The following CFAP299 variants were observed in gnomAD, a reference collection of about 807,000 sequenced individuals.
CFAP299 encodes cilia and flagella associated protein 299.
A neutral mutation model predicts 27.0 loss-of-function variants in CFAP299; 21 were observed. The ratio of observed to expected loss-of-function variants is 0.78; its 90% confidence interval spans 0.55 to 1.12. The LOEUF (loss-of-function observed/expected upper bound fraction) is 1.12. CFAP299 is among the 50% of genes most tolerant of loss of function. The pLI, the probability that CFAP299 is intolerant of heterozygous loss-of-function variation, is 0.00. For missense variants in CFAP299, 310 were observed against 276.6 expected, an observed-to-expected ratio of 1.12 and a Z score of -0.86; for synonymous variants, 104 against 98.1, an observed-to-expected ratio of 1.06 and a Z score of -0.36.
At chr4:80,701,939 C>G (rs1017643544) in intron 3 of CFAP299, among the ~76,000 whole-genome samples, 8 of 151,718 alleles carry the variant, frequency 5.3e-5, no homozygotes, top group South Asian at 2.1e-4. Context: ...AGTTTATGTT[C>G]TTTGTATGTG....
At chr4:80,910,577 A>AAAGC (rs1253268681) in intron 4 of CFAP299, among the ~76,000 whole-genome samples, 1 of 152,184 alleles carries the variant, frequency 6.6e-6, no homozygotes, top group Non-Finnish European at 1.5e-5. Flanking sequence ...CAGGAACAGA[A>AAAGC]AAGCAAATAC....
At chr4:80,353,291 G>A (rs537276897) in intron 1 of CFAP299, among the ~76,000 whole-genome samples, 2 of 152,204 alleles carry the variant, frequency 1.3e-5, no homozygotes, top group African/African-American at 4.8e-5. Context: ...AACTCGAAAG[G>A]ACCATCCAAC....
chr4:80,838,982 A>G (rs950114238), intron 3 of CFAP299, among the ~76,000 whole-genome samples: 1 of 152,168 alleles, frequency 6.6e-6, no homozygotes, highest in Non-Finnish European at 1.5e-5. Flanking sequence ...GTCCTAGACA[A>G]CAGTGATACA....
intron 2 of CFAP299, 31 bp from the exon 3 acceptor site, chr4:80,583,062 T>C: frequency 2.1e-6 from 3 of 1,414,488 alleles, no homozygotes; most frequent in Non-Finnish European, 2.9e-6. Context: ...TGTTATCTAA[T>C]ATATTATAAC....
intron 4 of CFAP299, 98 bp downstream of exon 4, chr4:80,870,233 G>A (rs1733003959): frequency 3.6e-6 from 5 of 1,378,664 alleles, no homozygotes; most frequent in Admixed American, 2.5e-5. Flanking sequence ...ATATATAACA[G>A]GAATGTGATA....
intron 3 of CFAP299, among the ~76,000 whole-genome samples, chr4:80,652,329 T>C (rs1219260082): frequency 6.6e-6 from 1 of 152,120 alleles, no homozygotes; most frequent in Non-Finnish European, 1.5e-5. Flanking sequence ...AAATATGTAT[T>C]TATATATTTG....
chr4:80,864,432 A>ATATATATATATATACCTATATAAG (rs1560452725), intron 3 of CFAP299, among the ~76,000 whole-genome samples: 6 of 118,954 alleles, frequency 5.0e-5, no homozygotes, highest in South Asian at 6.1e-4. Flanking sequence ...ATATATAGGT[A>ATATATATATATATACCTATATAAG]TATATATATA....
At chr4:80,336,822 A>G (rs934696570) in intron 1 of CFAP299, 11 of 152,250 alleles carry the variant, frequency 7.2e-5, no homozygotes, top group African/African-American at 2.4e-4. Context: ...AACAGGCGCC[A>G]CTATGTGGTG....
At chr4:80,461,750 A>T (rs1267540571) in intron 2 of CFAP299, among the ~76,000 whole-genome samples, 1 of 152,160 alleles carries the variant, frequency 6.6e-6, no homozygotes, top group Non-Finnish European at 1.5e-5. Context: ...ATATTCAGGG[A>T]TCATCCTGTA....
chr4:80,957,105 G>A (rs951751412), intron 5 of CFAP299, among the ~76,000 whole-genome samples: 2 of 152,072 alleles, frequency 1.3e-5, no homozygotes, highest in Non-Finnish European at 2.9e-5. Context: ...CTGGGATTTG[G>A]TAGAATAAGG....
intron 3 of CFAP299, among the ~76,000 whole-genome samples, chr4:80,628,238 C>T (rs1282836214): frequency 6.6e-6 from 1 of 152,012 alleles, no homozygotes; most frequent in Non-Finnish European, 1.5e-5. Context: ...AGGAAAAGGA[C>T]AGCCCTTTCA....
intron 3 of CFAP299, among the ~76,000 whole-genome samples, chr4:80,850,221 A>G (rs1258541623): frequency 7.1e-6 from 1 of 141,190 alleles, no homozygotes. Context: ...GCATAGCTTT[A>G]TGGCGGTGGG....
intron 3 of CFAP299, among the ~76,000 whole-genome samples, chr4:80,799,717 T>A (rs1260399702): frequency 4.5e-4 from 25 of 55,202 alleles, no homozygotes; most frequent in South Asian, 2.4e-3. Flanking sequence ...ATTTTATATA[T>A]TATATTTTAT....
At chr4:80,617,971 A>G (rs1019784555) in intron 3 of CFAP299, among the ~76,000 whole-genome samples, 16 of 152,186 alleles carry the variant, frequency 1.1e-4, no homozygotes, top group African/African-American at 3.4e-4. Context: ...AATGGAATAT[A>G]TAGTCATTAA....
At chr4:80,858,140 G>A (rs1043684088) in intron 3 of CFAP299, among the ~76,000 whole-genome samples, 4 of 152,218 alleles carry the variant, frequency 2.6e-5, no homozygotes, top group Non-Finnish European at 1.5e-5. Context: ...TCTTGGGAGA[G>A]TGTATGTGTC....
At chr4:80,555,741 C>T (rs928738944) in intron 2 of CFAP299, among the ~76,000 whole-genome samples, 3 of 151,822 alleles carry the variant, frequency 2.0e-5, no homozygotes, top group South Asian at 2.1e-4. Flanking sequence ...TGTATGTGTC[C>T]AGGAATTTAT....
At chr4:80,619,958 T>C (rs1194366871) in intron 3 of CFAP299, among the ~76,000 whole-genome samples, 1 of 152,058 alleles carries the variant, frequency 6.6e-6, no homozygotes, top group Non-Finnish European at 1.5e-5. Context: ...TAGAAACATA[T>C]TGTTATATTA....
At chr4:80,799,415 A>C (rs1263344676) in intron 3 of CFAP299, among the ~76,000 whole-genome samples, 1 of 91,350 alleles carries the variant, frequency 1.1e-5, no homozygotes, top group African/African-American at 4.6e-5. Flanking sequence ...TTATACATAT[A>C]AGTAATATTT....
At chr4:80,836,018 C>G (rs368014643) in intron 3 of CFAP299, among the ~76,000 whole-genome samples, 1 of 152,046 alleles carries the variant, frequency 6.6e-6, no homozygotes, top group South Asian at 2.1e-4. Context: ...CTTACTTTTC[C>G]GTTGAAGATA....
Sources: allele counts gnomAD v4.1 joint callset (sites outside exome capture counted in the v4.1 genomes callset), GRCh38; gene constraint gnomAD v4.1.1; transcripts MANE v1.5; gene names NCBI Gene and HGNC (gene_info 2026-07-23, HGNC 2026-07-21).